OPCML: variants seen among roughly 807,000 people sequenced by gnomAD.
OPCML encodes opioid-binding protein/cell adhesion molecule.
OPCML carries 13 observed loss-of-function variants against 37.8 expected under a neutral mutation model. The observed-to-expected ratio is 0.34, with a 90% CI of 0.22 to 0.55. The LOEUF is 0.55. Among genes scored for constraint, OPCML ranks in the 20% least tolerant of loss-of-function variants. The pLI, the probability that OPCML is intolerant of heterozygous loss-of-function variation, is 0.91. For synonymous variants in OPCML, 176 were observed against 168.8 expected (o/e 1.04, Z -0.33); for missense variants, 341 against 435.6 (o/e 0.78, Z 1.93).
chr11:133,357,241 G>A (rs1267139995), intron 1 of OPCML, among the ~76,000 whole-genome samples: 1 of 152,176 alleles, frequency 6.6e-6, no homozygotes, highest in African/African-American at 2.4e-5. Context: ...AAGAGGCATG[G>A]ACATACACTT....
chr11:133,082,597 G>A (rs1403934640), intron 1 of OPCML, among the ~76,000 whole-genome samples: 2 of 87,324 alleles, frequency 2.3e-5, no homozygotes, highest in African/African-American at 1.0e-4. Context: ...CCTCCCCCTC[G>A]CCCATCCCCC....
intron 1 of OPCML, among the ~76,000 whole-genome samples, chr11:133,296,353 T>A (rs1331370055): frequency 1.3e-5 from 2 of 152,214 alleles, no homozygotes; most frequent in East Asian, 3.8e-4. Flanking sequence ...CCAGTCATTG[T>A]CAGCCCATGA....
chr11:133,434,080 T>A (rs1312492512), intron 1 of OPCML, among the ~76,000 whole-genome samples: 2 of 152,236 alleles, frequency 1.3e-5, no homozygotes, highest in African/African-American at 4.8e-5. Flanking sequence ...TATTTCTGTG[T>A]ATGCCTCATC....
intron 2 of OPCML, among the ~76,000 whole-genome samples, chr11:132,900,793 T>C (rs1944033512): frequency 6.6e-6 from 1 of 152,140 alleles, no homozygotes; most frequent in Non-Finnish European, 1.5e-5. Context: ...CATTTTTAAC[T>C]AGTCCAAATC....
chr11:133,226,083 G>T (rs1940024028), intron 1 of OPCML, among the ~76,000 whole-genome samples: 1 of 152,208 alleles, frequency 6.6e-6, no homozygotes, highest in South Asian at 2.1e-4. Flanking sequence ...ATTTCCTGTG[G>T]TCACTGCAGA....
At chr11:133,357,052 C>A (rs1205122662) in intron 1 of OPCML, among the ~76,000 whole-genome samples, 1 of 152,192 alleles carries the variant, frequency 6.6e-6, no homozygotes, top group Non-Finnish European at 1.5e-5. Context: ...TGTCATTCAA[C>A]CGTTTGCTCT....
chr11:133,362,188 G>A (rs1339621558), intron 1 of OPCML: 1 of 152,266 alleles, frequency 6.6e-6, no homozygotes, highest in Non-Finnish European at 1.5e-5. Flanking sequence ...GTGTGACTTG[G>A]GATTCTAAAA....
intron 3 of OPCML, 155 bp from the exon 4 acceptor site, chr11:132,529,341 T>C (rs2096317498): frequency 4.8e-6 from 2 of 416,610 alleles, no homozygotes. Flanking sequence ...GATATGGCCA[T>C]ATACATTTAC....
At chr11:132,630,494 T>C (rs1056790464) in intron 3 of OPCML, among the ~76,000 whole-genome samples, 17 of 152,066 alleles carry the variant, frequency 1.1e-4, no homozygotes, top group Non-Finnish European at 2.1e-4. Context: ...ATGTATTTGT[T>C]AAATTGATAA....
At chr11:132,920,903 C>T (rs1411307422) in intron 2 of OPCML, among the ~76,000 whole-genome samples, 1 of 152,164 alleles carries the variant, frequency 6.6e-6, no homozygotes, top group Admixed American at 6.5e-5. Flanking sequence ...ATCTCCTCCC[C>T]ACACCTTGTC....
chr11:132,656,135 G>T (rs556043637), intron 3 of OPCML, among the ~76,000 whole-genome samples: 2 of 152,048 alleles, frequency 1.3e-5, no homozygotes, highest in Non-Finnish European at 2.9e-5. Flanking sequence ...CTGGCTGACG[G>T]AACTAATGTG....
chr11:133,060,723 G>C (rs1948326846), intron 1 of OPCML, among the ~76,000 whole-genome samples: 1 of 152,330 alleles, frequency 6.6e-6, no homozygotes, highest in African/African-American at 2.4e-5. Context: ...GAAAGCCTTA[G>C]AGCAACTTAG....
At chr11:133,440,217 C>T (rs66933903) in intron 1 of OPCML, among the ~76,000 whole-genome samples, 24,222 of 150,884 alleles carry the variant, frequency 0.16, 2,054 homozygotes, top group Admixed American at 0.21. Flanking sequence ...TAACTAATGG[C>T]GAAACCCCAT....
intron 4 of OPCML, among the ~76,000 whole-genome samples, chr11:132,456,720 AC>A (rs1387869792): frequency 6.6e-6 from 1 of 152,212 alleles, no homozygotes. Flanking sequence ...AGTGCATTGG[AC>A]TTGTCAGAGG....
At chr11:133,349,435 T>C (rs1455812710) in intron 1 of OPCML, among the ~76,000 whole-genome samples, 1 of 152,190 alleles carries the variant, frequency 6.6e-6, no homozygotes, top group Non-Finnish European at 1.5e-5. Flanking sequence ...GGTAGTTCCA[T>C]TTTAAAAACT....
At chr11:132,562,140 G>A (rs1197550609) in intron 3 of OPCML, among the ~76,000 whole-genome samples, 1 of 152,158 alleles carries the variant, frequency 6.6e-6, no homozygotes. Context: ...TTTGAGAACA[G>A]ATGATTAGCA....
intron 1 of OPCML, among the ~76,000 whole-genome samples, chr11:133,060,450 T>C (rs1948321040): frequency 6.6e-6 from 1 of 152,168 alleles, no homozygotes; most frequent in Non-Finnish European, 1.5e-5. Flanking sequence ...TTCTCCACCC[T>C]TAAAACACAC....
chr11:133,523,086 T>A (rs923360556), intron 1 of OPCML, among the ~76,000 whole-genome samples: 1 of 152,054 alleles, frequency 6.6e-6, no homozygotes, highest in African/African-American at 2.4e-5. Flanking sequence ...ACAGACAGAA[T>A]CCAGAAGACA....
intron 3 of OPCML, among the ~76,000 whole-genome samples, chr11:132,540,774 A>G (rs934625403): frequency 1.3e-5 from 2 of 152,212 alleles, no homozygotes; most frequent in Admixed American, 1.3e-4. Flanking sequence ...TTGTCTCCAC[A>G]GTGTCTCTTA....
Sources: allele counts gnomAD v4.1 joint callset (sites outside exome capture counted in the v4.1 genomes callset), GRCh38; gene constraint gnomAD v4.1.1; transcripts MANE v1.5; gene names NCBI Gene and HGNC (gene_info 2026-07-23, HGNC 2026-07-21).